CCSER1: variants seen among roughly 807,000 people sequenced by gnomAD.
The protein encoded by CCSER1 is serine-rich coiled-coil domain-containing protein 1.
CCSER1 carries 41 observed loss-of-function variants against 82.0 expected under a neutral mutation model. The ratio of observed to expected loss-of-function variants is 0.50; its 90% CI spans 0.39 to 0.65. The LOEUF (loss-of-function observed/expected upper bound fraction) is 0.65, where lower values mean the gene tolerates loss of function less well. Among genes scored for constraint, CCSER1 ranks in the 30% least tolerant of loss-of-function variants. The pLI, the probability that CCSER1 is intolerant of heterozygous loss-of-function variation, is 0.00. For synonymous variants in CCSER1, 414 were observed against 383.9 expected (o/e 1.08, Z -0.92); for missense variants, 1,119 against 1,064.2 (o/e 1.05, Z -0.72).
intron 1 of CCSER1, among the ~76,000 whole-genome samples, chr4:90,263,953 G>A (rs1408478054): frequency 6.6e-6 from 1 of 152,138 alleles, no homozygotes; most frequent in Non-Finnish European, 1.5e-5. Flanking sequence ...TCCCCATCAA[G>A]GAAAGTCAGA....
intron 8 of CCSER1, among the ~76,000 whole-genome samples, chr4:90,887,381 G>C (rs1265381648): frequency 6.6e-6 from 1 of 152,154 alleles, no homozygotes; most frequent in Non-Finnish European, 1.5e-5. Context: ...TGTGCAAGAA[G>C]TTGTGCAAAA....
chr4:90,334,883 T>C (rs1160427778), intron 3 of CCSER1, among the ~76,000 whole-genome samples: 2 of 152,218 alleles, frequency 1.3e-5, no homozygotes, highest in Non-Finnish European at 2.9e-5. Context: ...GCCCAATTTA[T>C]GATAAACCTA....
intron 5 of CCSER1, among the ~76,000 whole-genome samples, chr4:90,596,521 A>T (rs986851790): frequency 3.3e-5 from 5 of 151,890 alleles, no homozygotes; most frequent in Admixed American, 3.3e-4. Context: ...TCATGAGTCA[A>T]CTTGATTTTT....
At chr4:91,425,768 T>G (rs1294985277) in intron 10 of CCSER1, among the ~76,000 whole-genome samples, 1 of 152,208 alleles carries the variant, frequency 6.6e-6, no homozygotes, top group African/African-American at 2.4e-5. Flanking sequence ...GTATAAAGTT[T>G]CATTTATGCA....
intron 9 of CCSER1, among the ~76,000 whole-genome samples, chr4:90,968,856 T>TAA (rs144783889): frequency 1.3e-5 from 2 of 149,954 alleles, no homozygotes; most frequent in Non-Finnish European, 3.0e-5. Flanking sequence ...ATGAAATATC[T>TAA]AAAAAAAAAT....
intron 10 of CCSER1, among the ~76,000 whole-genome samples, chr4:91,286,689 T>A (rs574283636): frequency 6.6e-6 from 1 of 152,004 alleles, no homozygotes; most frequent in Non-Finnish European, 1.5e-5. Context: ...TTGTTTTCCA[T>A]TTTGTGACCA....
At chr4:91,112,654 T>C (rs1290711537) in intron 10 of CCSER1, 2 of 152,198 alleles carry the variant, frequency 1.3e-5, no homozygotes, top group Non-Finnish European at 2.9e-5. Context: ...TCTACTTCAA[T>C]CTCAGTTTTA....
chr4:90,333,424 A>G (rs775810473), intron 3 of CCSER1, among the ~76,000 whole-genome samples: 3 of 152,198 alleles, frequency 2.0e-5, no homozygotes, highest in Non-Finnish European at 2.9e-5. Context: ...CACAAAACAA[A>G]CAAAACGAAA....
At chr4:90,862,150 A>G (rs1490284847) in intron 8 of CCSER1, among the ~76,000 whole-genome samples, 2 of 151,808 alleles carry the variant, frequency 1.3e-5, no homozygotes, top group African/African-American at 4.8e-5. Context: ...TTCTGAGTAC[A>G]ATTTATTATA....
intron 4 of CCSER1, among the ~76,000 whole-genome samples, chr4:90,410,697 C>T (rs1754625599): frequency 6.6e-6 from 1 of 151,988 alleles, no homozygotes; most frequent in Admixed American, 6.6e-5. Context: ...AAAATTGACA[C>T]CCTAACATCA....
chr4:91,211,698 T>C (rs1315922140), intron 10 of CCSER1, among the ~76,000 whole-genome samples: 2 of 152,094 alleles, frequency 1.3e-5, no homozygotes, highest in African/African-American at 4.8e-5. Flanking sequence ...ACAAGTTACT[T>C]TCTCAATATC....
chr4:91,020,601 G>A (rs184597103), intron 9 of CCSER1, among the ~76,000 whole-genome samples: 2 of 152,108 alleles, frequency 1.3e-5, no homozygotes, highest in Admixed American at 6.5e-5. Context: ...GGCGGGGCTT[G>A]CAGTGAGCCG....
intron 1 of CCSER1, among the ~76,000 whole-genome samples, chr4:90,138,900 G>A (rs1239722242): frequency 6.6e-6 from 1 of 152,148 alleles, no homozygotes; most frequent in Non-Finnish European, 1.5e-5. Flanking sequence ...CAAATCTGAG[G>A]TCATGTGAGG....
At chr4:90,129,050 G>A (rs1162596701) in intron 1 of CCSER1, among the ~76,000 whole-genome samples, 1 of 152,082 alleles carries the variant, frequency 6.6e-6, no homozygotes, top group African/African-American at 2.4e-5. Context: ...GGACTTACAA[G>A]TCAGAAAATA....
At chr4:90,685,147 G>C (rs913925704) in intron 6 of CCSER1, among the ~76,000 whole-genome samples, 5 of 152,012 alleles carry the variant, frequency 3.3e-5, no homozygotes, top group Non-Finnish European at 5.9e-5. Flanking sequence ...TGAGCTTCAG[G>C]CATATAACAA....
Position 90,639,104 on chromosome 4 carries a change from C to T in CCSER1, c.1932+10872C>T, listed in dbSNP as rs1381760278. On this transcript the variant is annotated intron_variant, in intron 6 of 10. Transcript: ENST00000509176. Reference sequence around the variant, plus strand: ...AGTGATCTTACTTGTGTGATAATTGCCAACTATGTCAAGCCACGTGTGAAA... The same window carrying T: ...AGTGATCTTACTTGTGTGATAATTGTCAACTATGTCAAGCCACGTGTGAAA... Among the ~76,000 whole-genome samples, 4 of 151,624 alleles carry T rather than the reference C, an allele frequency of 2.6e-5. 1 individual carries two copies. The highest frequency in any genetic ancestry group is 5.9e-5 in the Non-Finnish European group (4 of 67,906).
intron 5 of CCSER1, among the ~76,000 whole-genome samples, chr4:90,610,101 A>C (rs1253832584): frequency 1.3e-5 from 2 of 151,838 alleles, no homozygotes; most frequent in African/African-American, 4.8e-5. Context: ...AAAATACAAA[A>C]AATTAGCCGG....
At chr4:90,730,970 T>C (rs1744603899) in intron 7 of CCSER1, among the ~76,000 whole-genome samples, 1 of 152,156 alleles carries the variant, frequency 6.6e-6, no homozygotes, top group African/African-American at 2.4e-5. Context: ...AGAGTGTTTG[T>C]TGAAAAAAAG....
chr4:91,453,156 G>C (rs939482832), intron 10 of CCSER1, among the ~76,000 whole-genome samples: 1 of 151,890 alleles, frequency 6.6e-6, no homozygotes. Flanking sequence ...GTTTTGTTTG[G>C]TAGTAGTTCA....
Sources: gnomAD v4.1 joint callset for allele counts (sites outside exome capture counted in the v4.1 genomes callset) on GRCh38, gnomAD v4.1.1 for gene constraint, MANE v1.5 for transcripts, NCBI Gene and HGNC (gene_info 2026-07-23, HGNC 2026-07-21) for gene names.